CRB1: variants seen among roughly 807,000 people sequenced by gnomAD.
CRB1 encodes crumbs cell polarity complex component 1, also known as protein crumbs homolog 1.
Under a neutral mutation model 120.0 loss-of-function variants are expected in CRB1, and 83 were observed. The ratio of observed to expected loss-of-function variants is 0.69; its 90% CI spans 0.58 to 0.83. The LOEUF (loss-of-function observed/expected upper bound fraction) is 0.83, where lower values mean the gene tolerates loss of function less well. Ranked by LOEUF, CRB1 falls within the 40% of genes least tolerant of loss-of-function variation. The pLI, the probability that CRB1 is intolerant of heterozygous loss-of-function variation, is 0.00. For synonymous variants in CRB1, 625 were observed against 612.5 expected, an observed-to-expected ratio of 1.02 and a Z score of -0.30; for missense variants, 1,699 against 1,687.6, an observed-to-expected ratio of 1.01 and a Z score of -0.12.
At chr1:197,236,231 G>A in the CRB1 span, among the ~76,000 whole-genome samples, 4 of 126,340 alleles carry the variant, frequency 3.2e-5, no homozygotes, top group Admixed American at 1.9e-4. Flanking sequence ...CAAGAGTCTC[G>A]CTCTGTCACC....
At chr1:197,285,599 T>C (rs1484061990) in intron 1 of CRB1, among the ~76,000 whole-genome samples, 1 of 151,892 alleles carries the variant, frequency 6.6e-6, no homozygotes, top group African/African-American at 2.4e-5. Flanking sequence ...ATGTCCCACA[T>C]TGGCCTCTCT....
chr1:197,299,535 T>A (rs1656742076), intron 1 of CRB1, among the ~76,000 whole-genome samples: 1 of 151,008 alleles, frequency 6.6e-6, no homozygotes, highest in Non-Finnish European at 1.5e-5. Flanking sequence ...TCAATGTGTA[T>A]GTGCAATCGT....
intron 5 of CRB1, among the ~76,000 whole-genome samples, chr1:197,396,998 T>C (rs1662805506): frequency 6.6e-6 from 1 of 151,988 alleles, no homozygotes; most frequent in South Asian, 2.1e-4. Context: ...CTTAAAAAAA[T>C]AAGAAGACAA....
intron 11 of CRB1, among the ~76,000 whole-genome samples, chr1:197,456,680 C>T (rs1666300896): frequency 6.6e-6 from 1 of 152,088 alleles, no homozygotes; most frequent in Admixed American, 6.6e-5. Context: ...CTTTCCCGAA[C>T]CAATCCCAGA....
rs1259013819 is a variant in CRB1 at position 197,421,344 on chromosome 1, TCAGTTTG to T, written c.1517_1523del (p.Ser506LeufsTer3). The T allele has an allele frequency of 6.2e-7, 1 of 1,614,214 alleles. No homozygotes were observed. The highest frequency in any genetic ancestry group is 1.1e-5 in the South Asian group (1 of 91,086). ...AAGTGGCTCAGTGACAACCAAGGGC[TCAGTTTG>T]TAACATAGCCCTCAGGTTTCAGACT... On this transcript the variant is annotated frameshift_variant, in exon 6 of 12. Transcript: ENST00000367400. LOFTEE classifies it high-confidence loss of function.
chr1:197,311,411 G>A (rs151058305), intron 1 of CRB1, among the ~76,000 whole-genome samples: 106 of 152,294 alleles, frequency 7.0e-4, no homozygotes, highest in African/African-American at 2.4e-3. Flanking sequence ...GATGTTGATC[G>A]AGGAAACAAA....
chr1:197,208,334 T>A, the CRB1 span, among the ~76,000 whole-genome samples: 1 of 152,188 alleles, frequency 6.6e-6, no homozygotes, highest in African/African-American at 2.4e-5. Flanking sequence ...TCTGGTTACT[T>A]CTCTTTTGGG....
chr1:197,428,948 A>G (rs1272914404), intron 7 of CRB1: 11 of 1,518,664 alleles, frequency 7.2e-6, no homozygotes, highest in Non-Finnish European at 9.7e-6. Context: ...GAGAACTCAA[A>G]TAATAATACT....
chr1:197,202,972 T>G, the CRB1 span, among the ~76,000 whole-genome samples: 1 of 148,444 alleles, frequency 6.7e-6, no homozygotes, highest in South Asian at 2.2e-4. Context: ...GGTGTGTGTG[T>G]GTGTGTGTGT....
At chr1:197,420,823 C>T (rs991576862) in intron 5 of CRB1, among the ~76,000 whole-genome samples, 177 bp from the exon 6 acceptor site, 2 of 152,164 alleles carry the variant, frequency 1.3e-5, no homozygotes, top group African/African-American at 4.8e-5. Flanking sequence ...CTTCATGACA[C>T]AGGTGGAATA....
At chr1:197,291,677 A>C (rs952471329) in intron 1 of CRB1, among the ~76,000 whole-genome samples, 1 of 151,896 alleles carries the variant, frequency 6.6e-6, no homozygotes, top group African/African-American at 2.4e-5. Context: ...AGTCCTTAGC[A>C]TGCATAGTGC....
At chr1:197,317,720 A>T (rs891776084) in intron 1 of CRB1, among the ~76,000 whole-genome samples, 1 of 152,208 alleles carries the variant, frequency 6.6e-6, no homozygotes, top group Non-Finnish European at 1.5e-5. Flanking sequence ...ATTTTTGACA[A>T]TGGTGCCAAG....
chr1:197,206,210 T>C, the CRB1 span, among the ~76,000 whole-genome samples: 6 of 152,208 alleles, frequency 3.9e-5, no homozygotes, highest in African/African-American at 1.4e-4. Flanking sequence ...GAACCAGCTT[T>C]TTGTTTTATT....
upstream of CRB1, among the ~76,000 whole-genome samples, chr1:197,267,660 GA>G: frequency 6.6e-6 from 1 of 152,124 alleles, no homozygotes. Context: ...TTTAATCTGA[GA>G]AAATATTGTG....
chr1:197,378,703 C>T (rs551369339), intron 5 of CRB1, among the ~76,000 whole-genome samples: 24 of 142,258 alleles, frequency 1.7e-4, no homozygotes, highest in African/African-American at 5.7e-4. Context: ...ATGTTTATTG[C>T]TTTTTTCAAA....
chr1:197,335,738 T>C (rs772934610), intron 2 of CRB1, among the ~76,000 whole-genome samples: 1 of 152,198 alleles, frequency 6.6e-6, no homozygotes, highest in Non-Finnish European at 1.5e-5. Flanking sequence ...GAGCCTGTGA[T>C]CCGCCGCCTA....
At chr1:197,437,674 G>T (rs555674849) in intron 9 of CRB1, among the ~76,000 whole-genome samples, 2 of 152,142 alleles carry the variant, frequency 1.3e-5, no homozygotes, top group Non-Finnish European at 1.5e-5. Context: ...GAATTGATTA[G>T]CTCTTGCGGG....
chr1:197,424,804 A>G (rs12068782), intron 6 of CRB1, among the ~76,000 whole-genome samples: 2 of 152,168 alleles, frequency 1.3e-5, no homozygotes, highest in Non-Finnish European at 2.9e-5. Flanking sequence ...GTATTCCATC[A>G]ATCATTAAAG....
At chr1:197,204,849 A>C in the CRB1 span, among the ~76,000 whole-genome samples, 1 of 152,208 alleles carries the variant, frequency 6.6e-6, no homozygotes, top group Non-Finnish European at 1.5e-5. Flanking sequence ...GTCTTTGCCT[A>C]AGCCAATGTC....
Sources: gnomAD v4.1 joint callset for allele counts (sites outside exome capture counted in the v4.1 genomes callset) on GRCh38, gnomAD v4.1.1 for gene constraint, MANE v1.5 for transcripts, NCBI Gene and HGNC (gene_info 2026-07-23, HGNC 2026-07-21) for gene names.